ADAMTSL1: variants seen among roughly 807,000 people sequenced by gnomAD.
ADAMTSL1 encodes ADAMTS-like protein 1.
In ADAMTSL1, 126 loss-of-function variants were observed where a neutral mutation model predicts 201.8. The observed-to-expected ratio is 0.62, with a 90% CI of 0.54 to 0.72. The LOEUF (loss-of-function observed/expected upper bound fraction) is 0.72. Among genes scored for constraint, ADAMTSL1 ranks in the 30% least tolerant of loss-of-function variants. The pLI is 0.00. For synonymous variants in ADAMTSL1, 1,121 were observed against 903.4 expected (o/e 1.24, Z -4.32); for missense variants, 2,679 against 2,277.8 (o/e 1.18, Z -3.59).
chr9:18,908,252 T>C (rs1048692350), intron 28 of ADAMTSL1, 190 bp from the exon 29 acceptor site: 2 of 610,120 alleles, frequency 3.3e-6, no homozygotes, highest in Non-Finnish European at 5.9e-6. Context: ...CCACCCCTGC[T>C]GTTGGCAGCC....
At chr9:18,385,546 A>G (rs2133200438) in intron 2 of ADAMTSL1, among the ~76,000 whole-genome samples, 1 of 152,354 alleles carries the variant, frequency 6.6e-6, no homozygotes, top group Admixed American at 6.5e-5. Context: ...ATTTGAAGAC[A>G]GGTAATAATA....
chr9:18,552,466 T>C (rs192313449), intron 3 of ADAMTSL1, among the ~76,000 whole-genome samples: 75 of 151,952 alleles, frequency 4.9e-4, no homozygotes, highest in Admixed American at 8.5e-4. Flanking sequence ...TTGGAATTTG[T>C]TGAGATTTTG....
chr9:18,278,782 C>G (rs544211748), intron 2 of ADAMTSL1, among the ~76,000 whole-genome samples: 1 of 152,262 alleles, frequency 6.6e-6, no homozygotes, highest in East Asian at 1.9e-4. Flanking sequence ...TCCTGGGAGT[C>G]TCATGCAAAT....
intron 7 of ADAMTSL1, among the ~76,000 whole-genome samples, chr9:18,652,827 G>T (rs1441667352): frequency 6.6e-6 from 1 of 152,172 alleles, no homozygotes; most frequent in Non-Finnish European, 1.5e-5. Context: ...GGAGGCTGAG[G>T]TTTGGCCAAT....
intron 1 of ADAMTSL1, among the ~76,000 whole-genome samples, chr9:17,997,285 G>A (rs549876778): frequency 6.6e-6 from 1 of 152,158 alleles, no homozygotes; most frequent in African/African-American, 2.4e-5. Context: ...AATTGATATT[G>A]ATATTAATTA....
At chr9:18,847,458 A>T (rs1322596572) in intron 23 of ADAMTSL1, among the ~76,000 whole-genome samples, 1 of 152,256 alleles carries the variant, frequency 6.6e-6, no homozygotes, top group Non-Finnish European at 1.5e-5. Flanking sequence ...AAATAAACGT[A>T]TACAGAAGCA....
intron 2 of ADAMTSL1, among the ~76,000 whole-genome samples, chr9:18,444,691 G>T (rs1820121875): frequency 6.6e-6 from 1 of 152,152 alleles, no homozygotes; most frequent in Admixed American, 6.5e-5. Context: ...AGGGAAAACA[G>T]ATGCAGATAA....
At chr9:18,585,466 C>T (rs2132439875) in intron 4 of ADAMTSL1, among the ~76,000 whole-genome samples, 1 of 152,212 alleles carries the variant, frequency 6.6e-6, no homozygotes, top group South Asian at 2.1e-4. Context: ...TGTGCTTCTT[C>T]TGCCAATTCT....
In ADAMTSL1 at chr9:18,535,919, C is replaced by T. The variant is rs146245578; in HGVS notation, c.237+2627C>T. 9.1e-3 allele frequency among the ~76,000 whole-genome samples: 1,389 copies of T among 152,224 alleles called. 13 individuals carry two copies. Among genetic ancestry groups the T allele is most frequent in the Non-Finnish European group, 0.014 (930 of 68,020 alleles). ...CACGCAGGGATTATGGGAAGTACAA[C>T]TTAAGATGAGATTTGGGTGGGGACA... On this transcript the variant is annotated intron_variant, in intron 3 of 28. Coordinates refer to ENST00000380548, the MANE Select transcript of ADAMTSL1 (RefSeq NM_001040272.6).
intron 4 of ADAMTSL1, among the ~76,000 whole-genome samples, chr9:18,621,556 CCACACACACACACACACA>C (rs57351480): frequency 0.26 from 36,975 of 143,676 alleles, 5,029 homozygotes; most frequent in East Asian, 0.5. Context: ...CCGTCCTCTT[CCACACACACACACACACA>C]CACACACACA....
intron 15 of ADAMTSL1, among the ~76,000 whole-genome samples, chr9:18,733,315 G>A (rs939786759): frequency 6.6e-6 from 1 of 152,174 alleles, no homozygotes; most frequent in Non-Finnish European, 1.5e-5. Flanking sequence ...TAGGCTCTTG[G>A]AGAAAGTGAG....
chr9:18,153,801 T>C (rs1780364763), intron 1 of ADAMTSL1, among the ~76,000 whole-genome samples: 1 of 152,050 alleles, frequency 6.6e-6, no homozygotes, highest in Admixed American at 6.6e-5. Context: ...TAGTAAAGTA[T>C]GATACTAAAA....
At chr9:18,374,859 A>C (rs1042362180) in intron 2 of ADAMTSL1, among the ~76,000 whole-genome samples, 1 of 152,198 alleles carries the variant, frequency 6.6e-6, no homozygotes, top group East Asian at 1.9e-4. Flanking sequence ...CACATCACTT[A>C]TGCCAGGGCT....
intron 3 of ADAMTSL1, among the ~76,000 whole-genome samples, chr9:18,572,801 C>T (rs921439717): frequency 6.6e-6 from 1 of 152,262 alleles, no homozygotes; most frequent in Non-Finnish European, 1.5e-5. Context: ...AGAGAACTCT[C>T]ACAATGATAA....
At chr9:18,873,876 T>A (rs1827995017) in intron 23 of ADAMTSL1, among the ~76,000 whole-genome samples, 1 of 152,178 alleles carries the variant, frequency 6.6e-6, no homozygotes, top group African/African-American at 2.4e-5. Context: ...AGTTTTTAGA[T>A]GACTTTTGGC....
intron 15 of ADAMTSL1, among the ~76,000 whole-genome samples, chr9:18,725,017 C>T (rs1817783726): frequency 6.6e-6 from 1 of 152,132 alleles, no homozygotes; most frequent in South Asian, 2.1e-4. Context: ...CACCATTCTC[C>T]TGCTTCAGCC....
At chr9:18,796,649 G>C (rs1037977209) in intron 20 of ADAMTSL1, 1 of 152,176 alleles carries the variant, frequency 6.6e-6, no homozygotes, top group African/African-American at 2.4e-5. Flanking sequence ...GCGGCTTTGC[G>C]GGGAAGATCA....
At chr9:18,024,331 G>A (rs1402701332) in intron 1 of ADAMTSL1, among the ~76,000 whole-genome samples, 11 of 151,952 alleles carry the variant, frequency 7.2e-5, no homozygotes, top group African/African-American at 2.4e-5. Context: ...TTGTGTGATG[G>A]TGAGGTTTGG....
chr9:18,232,664 C>T (rs988273125), intron 2 of ADAMTSL1, among the ~76,000 whole-genome samples: 2 of 152,112 alleles, frequency 1.3e-5, no homozygotes, highest in African/African-American at 4.8e-5. Flanking sequence ...TTGACTCATT[C>T]ATATTCCTTC....
Sources: gnomAD v4.1 joint callset for allele counts (sites outside exome capture counted in the v4.1 genomes callset) on GRCh38, gnomAD v4.1.1 for gene constraint, MANE v1.5 for transcripts, NCBI Gene and HGNC (gene_info 2026-07-23, HGNC 2026-07-21) for gene names.